The following NAA25 variants were observed in gnomAD, a reference collection of about 807,000 sequenced individuals.
NAA25 encodes the protein N-terminal acetyltransferase B complex subunit NAA25.
NAA25 carries 30 observed loss-of-function variants against 132.5 expected under a neutral mutation model. The observed-to-expected ratio is 0.23, with a 90% CI of 0.17 to 0.31. NAA25 has a LOEUF of 0.31. Among genes scored for constraint, NAA25 ranks in the 10% least tolerant of loss-of-function variants. The pLI is 1.00. For missense variants in NAA25, 771 were observed against 1,150.4 expected, an observed-to-expected ratio of 0.67 and a Z score of 4.77; for synonymous variants, 359 against 401.9, an observed-to-expected ratio of 0.89 and a Z score of 1.28.
rs550425649 is a variant in NAA25, at chr12:112,070,805, G to A, written c.1036+1090C>T. 2.0e-5 allele frequency among the ~76,000 whole-genome samples: 3 copies of A among 152,212 alleles called. No individual in the cohort carries two copies. The South Asian group carries it at 6.2e-4, about 32-fold the overall frequency. On this transcript the variant is annotated intron_variant, in intron 10 of 23. Coordinates refer to ENST00000261745, the MANE Select transcript of NAA25 (RefSeq NM_024953.4). ...TCTGTCACCCAGGCTAGAGTGCAGC[G>A]GCAAGATCTCAGCTCATCACAACCT...
intron 22 of NAA25, chr12:112,035,489 T>A (rs2078212038): frequency 1.3e-5 from 2 of 152,106 alleles, no homozygotes. Context: ...ATCAGTTAAA[T>A]CATCTTTGTC....
At chr12:112,087,988 C>T (rs1461215269) in intron 3 of NAA25, among the ~76,000 whole-genome samples, 187 bp from the exon 4 acceptor site, 1 of 152,142 alleles carries the variant, frequency 6.6e-6, no homozygotes, top group African/African-American at 2.4e-5. Context: ...TAGGTCAAGC[C>T]TTCTCATAGC....
chr12:112,039,802 CA>C (rs2078277621), intron 21 of NAA25: 1 of 161,950 alleles, frequency 6.2e-6, no homozygotes, highest in Non-Finnish European at 1.3e-5. Context: ...CCCAGTTGAT[CA>C]GTACATATCC....
At chr12:112,061,532 C>A (rs1045771984) in intron 11 of NAA25, 144 bp from the exon 12 acceptor site, 2 of 681,378 alleles carry the variant, frequency 2.9e-6, no homozygotes, top group African/African-American at 3.6e-5. Context: ...TTTCTATCTA[C>A]CAAAATAGCT....
intron 13 of NAA25, among the ~76,000 whole-genome samples, chr12:112,058,472 C>G (rs2078578335): frequency 6.6e-6 from 1 of 152,160 alleles, no homozygotes. Flanking sequence ...CTCAGGAAAA[C>G]AGGGTACCTC....
At chr12:112,050,183 C>A (rs1400534148) in intron 15 of NAA25, among the ~76,000 whole-genome samples, 1 of 152,098 alleles carries the variant, frequency 6.6e-6, no homozygotes, top group African/African-American at 2.4e-5. Flanking sequence ...TTCTGTAACA[C>A]TGCAGTAAAG....
At chr12:112,048,208 C>A (rs1188900992) in intron 16 of NAA25, 84 bp downstream of exon 16, 2 of 1,344,306 alleles carry the variant, frequency 1.5e-6, no homozygotes, top group Admixed American at 2.2e-5. Context: ...CTTAAGCCTG[C>A]CAATAACACC....
chr12:112,064,145 A>T (rs1421661382), intron 11 of NAA25: 1 of 152,196 alleles, frequency 6.6e-6, no homozygotes, highest in African/African-American at 2.4e-5. Context: ...TTTACCTATA[A>T]TTCTATTAAT....
At chr12:112,039,101 G>A (rs948580477) in intron 22 of NAA25, 128 bp downstream of exon 22, 4 of 489,170 alleles carry the variant, frequency 8.2e-6, no homozygotes, top group Admixed American at 8.1e-5. Context: ...CAAAGTCATC[G>A]TGGGCCATGG....
At chr12:112,048,576 A>G (rs2078421447) in intron 15 of NAA25, 133 bp from the exon 16 acceptor site, 8 of 696,488 alleles carry the variant, frequency 1.1e-5, no homozygotes, top group Non-Finnish European at 1.7e-5. Flanking sequence ...CTTGGTCACC[A>G]AGTAGAATAT....
chr12:112,077,707 A>G (rs1179110767), intron 7 of NAA25, among the ~76,000 whole-genome samples: 1 of 152,152 alleles, frequency 6.6e-6, no homozygotes, highest in African/African-American at 2.4e-5. Context: ...TTCATAAGAC[A>G]GACATACAAA....
intron 4 of NAA25, among the ~76,000 whole-genome samples, 193 bp from the exon 5 acceptor site, chr12:112,081,327 T>C (rs964117734): frequency 6.6e-6 from 1 of 152,238 alleles, no homozygotes; most frequent in African/African-American, 2.4e-5. Context: ...TTATGAGTGA[T>C]ACTTTACTTT....
chr12:112,062,883 A>AAAC (rs1566013068), intron 11 of NAA25, among the ~76,000 whole-genome samples: 2 of 151,784 alleles, frequency 1.3e-5, no homozygotes, highest in Non-Finnish European at 2.9e-5. Context: ...CTCTACTAAA[A>AAAC]AAACAAACAA....
intron 4 of NAA25, 83 bp downstream of exon 4, chr12:112,087,600 C>A: frequency 1.1e-6 from 1 of 883,908 alleles, no homozygotes. Context: ...CACACACATA[C>A]CCAGTGCAGT....
At chr12:112,104,197 T>C (rs2079330918) in intron 1 of NAA25, among the ~76,000 whole-genome samples, 1 of 152,146 alleles carries the variant, frequency 6.6e-6, no homozygotes, top group Admixed American at 6.6e-5. Context: ...GTACGACATA[T>C]TAAAACAAGG....
At chr12:112,089,137 G>C (rs1408736863) in intron 3 of NAA25, among the ~76,000 whole-genome samples, 1 of 152,072 alleles carries the variant, frequency 6.6e-6, no homozygotes, top group East Asian at 1.9e-4. Context: ...ACAGTGCCTC[G>C]TGCCTATAAT....
At chr12:112,033,611 A>G in intron 22 of NAA25, 1 of 289,072 alleles carries the variant, frequency 3.5e-6, no homozygotes, top group Non-Finnish European at 6.3e-6. Context: ...AAAAAAATCC[A>G]TCAAAGCACT....
chr12:112,105,179 G>GC (rs2079344135), intron 1 of NAA25, among the ~76,000 whole-genome samples: 1 of 152,018 alleles, frequency 6.6e-6, no homozygotes, highest in Non-Finnish European at 1.5e-5. Context: ...AATTAGCCAG[G>GC]CGTGGTGGTG....
intron 13 of NAA25, among the ~76,000 whole-genome samples, chr12:112,058,592 C>T (rs2078579563): frequency 6.6e-6 from 1 of 152,156 alleles, no homozygotes; most frequent in African/African-American, 2.4e-5. Flanking sequence ...AACTACTGGG[C>T]TCAAGCCTTG....
Sources: gnomAD v4.1 joint callset for allele counts (sites outside exome capture counted in the v4.1 genomes callset) on GRCh38, gnomAD v4.1.1 for gene constraint, MANE v1.5 for transcripts, NCBI Gene and HGNC (gene_info 2026-07-23, HGNC 2026-07-21) for gene names.